Variants in BMP6 observed in about 807,000 individuals in gnomAD.
BMP6 encodes the protein bone morphogenetic protein 6, also known as VG-1-R.
Under a neutral mutation model 54.1 loss-of-function variants are expected in BMP6, and 17 were observed. That is an observed-to-expected ratio of 0.31 (90% CI 0.22 to 0.47). BMP6 has a LOEUF of 0.47. Ranked by LOEUF, BMP6 falls within the 20% of genes least tolerant of loss-of-function variation. The pLI is 1.00. For missense variants in BMP6, 720 were observed against 690.4 expected (o/e 1.04, Z -0.48); for synonymous variants, 328 against 291.2 (o/e 1.13, Z -1.28).
chr6:7,750,018 CAG>C (rs1427093815), intron 1 of BMP6, among the ~76,000 whole-genome samples: 2 of 152,166 alleles, frequency 1.3e-5, no homozygotes, highest in African/African-American at 4.8e-5. Flanking sequence ...CGGGTGGAAA[CAG>C]AGGCACAGAT....
rs1311981283 is a variant in BMP6, at chr6:7,811,747, A to G, written c.665-33393A>G. On this transcript the variant is annotated intron_variant, in intron 1 of 6. Transcript: ENST00000283147. ...CTCTAACATCTTCCTCCCTTTATTA[A>G]ATTCACATCAGTTCACATTTCCCTT... is the stretch of plus-strand genomic sequence containing the variant. 3.3e-5 allele frequency among the ~76,000 whole-genome samples: 5 copies of G among 152,112 alleles called. No individual in the cohort carries two copies. In the East Asian group the frequency reaches 9.6e-4, roughly 29 times the overall value.
intron 1 of BMP6, among the ~76,000 whole-genome samples, chr6:7,827,494 C>T (rs1758718141): frequency 6.6e-6 from 1 of 152,158 alleles, no homozygotes; most frequent in African/African-American, 2.4e-5. Flanking sequence ...CTTGTGGCTC[C>T]CCCTTCCCTT....
intron 1 of BMP6, among the ~76,000 whole-genome samples, chr6:7,752,158 A>G (rs1241371873): frequency 6.6e-6 from 1 of 152,218 alleles, no homozygotes; most frequent in African/African-American, 2.4e-5. Context: ...AAATATTTTC[A>G]GCTTTGCAGG....
chr6:7,772,072 CAAA>C (rs911048497), intron 1 of BMP6, among the ~76,000 whole-genome samples: 11 of 148,218 alleles, frequency 7.4e-5, no homozygotes, highest in African/African-American at 2.7e-4. Context: ...ACCAAAAAAA[CAAA>C]AAAAAACAAA....
intron 1 of BMP6, among the ~76,000 whole-genome samples, chr6:7,811,442 G>C (rs915384867): frequency 2.6e-5 from 4 of 152,192 alleles, no homozygotes; most frequent in Non-Finnish European, 4.4e-5. Context: ...GCGCTGGCAT[G>C]GTAGTTGCTA....
At position 7,856,636 on chromosome 6, in the gene BMP6, G is replaced by A. The variant is rs551521086; in HGVS notation, c.858-4815G>A. On this transcript the variant is annotated intron_variant, in intron 2 of 6. Coordinates refer to ENST00000283147, the MANE Select transcript of BMP6 (RefSeq NM_001718.6). ...TTTTGAGACGGAGTCTCGCTCTGTC[G>A]CCCAGGCTGGAGTGCAGTGGCGGGA... 9.2e-4 allele frequency among the ~76,000 whole-genome samples: 89 copies of A among 97,128 alleles called. No homozygotes were observed. The Middle Eastern group carries it at 0.023, about 25-fold the overall frequency. The allele number at this position is 97,128 out of a possible 152,430, so 63.7% of individuals were successfully genotyped here.
intron 1 of BMP6, among the ~76,000 whole-genome samples, chr6:7,767,979 G>T (rs1323538448): frequency 6.6e-6 from 1 of 152,134 alleles, no homozygotes; most frequent in Non-Finnish European, 1.5e-5. Flanking sequence ...TAATGACCCT[G>T]TGCCCTGGGC....
At chr6:7,834,208 G>A (rs1418208807) in intron 1 of BMP6, among the ~76,000 whole-genome samples, 3,882 of 131,726 alleles carry the variant, frequency 0.029, 154 homozygotes, top group African/African-American at 0.089. Context: ...TTTTTTTTAG[G>A]AAAAAAAAGT....
intron 1 of BMP6, among the ~76,000 whole-genome samples, chr6:7,827,801 A>G (rs1324481916): frequency 6.6e-6 from 1 of 152,150 alleles, no homozygotes; most frequent in Non-Finnish European, 1.5e-5. Flanking sequence ...AATGTTTCCC[A>G]CTTTATTTCT....
chr6:7,821,650 ACTTT>A (rs71542886), intron 1 of BMP6, among the ~76,000 whole-genome samples: 20,581 of 152,144 alleles, frequency 0.14, 1,737 homozygotes, highest in African/African-American at 0.24. Flanking sequence ...TGAGTAAGTT[ACTTT>A]CTTCTTTGAG....
intron 3 of BMP6, 104 bp from the exon 4 acceptor site, chr6:7,862,197 T>A: frequency 7.4e-7 from 1 of 1,343,990 alleles, no homozygotes; most frequent in Non-Finnish European, 1.0e-6. Flanking sequence ...CACTCATTCT[T>A]AAGGATTAGC....
chr6:7,730,707 A>G (rs1437985184), intron 1 of BMP6, among the ~76,000 whole-genome samples: 2 of 152,208 alleles, frequency 1.3e-5, no homozygotes, highest in Non-Finnish European at 2.9e-5. Context: ...GTTATTGCGT[A>G]CCAATGTTGG....
intron 1 of BMP6, among the ~76,000 whole-genome samples, chr6:7,813,675 CA>C (rs1758478029): frequency 1.0e-5 from 1 of 97,632 alleles, no homozygotes; most frequent in Non-Finnish European, 2.0e-5. Context: ...AAAAACCCAC[CA>C]AACCCAGTAT....
intron 1 of BMP6, among the ~76,000 whole-genome samples, chr6:7,745,068 C>T (rs544058964): frequency 6.6e-6 from 1 of 152,284 alleles, no homozygotes; most frequent in East Asian, 1.9e-4. Flanking sequence ...GAGGGTCAGT[C>T]CAATAGGATC....
intron 1 of BMP6, among the ~76,000 whole-genome samples, chr6:7,784,285 C>G (rs1285970163): frequency 9.2e-5 from 14 of 152,058 alleles, no homozygotes; most frequent in Admixed American, 9.2e-4. Flanking sequence ...GTACCTCTGC[C>G]CTTCTTATTA....
At chr6:7,761,777 G>A (rs940978085) in intron 1 of BMP6, among the ~76,000 whole-genome samples, 5 of 152,130 alleles carry the variant, frequency 3.3e-5, no homozygotes, top group Non-Finnish European at 7.4e-5. Flanking sequence ...AAGTCTTTAC[G>A]GCATTTTCTT....
In BMP6 at chr6:7,741,063, T is replaced by C. The variant is rs186446434; in HGVS notation, c.664+13444T>C. The stretch of plus-strand genomic sequence containing the variant: ...CTACTCATCTTTCCATATGCTGTTA[T>C]CCAGCCAGCACACTCTGCTCTGTGA... On this transcript the variant is annotated intron_variant, in intron 1 of 6. Coordinates refer to ENST00000283147, the MANE Select transcript of BMP6 (RefSeq NM_001718.6). 9.2e-5 allele frequency among the ~76,000 whole-genome samples: 14 copies of C among 152,262 alleles called. No individual in the cohort carries two copies. The East Asian group carries it at 1.7e-3, about 19-fold the overall frequency.
At chr6:7,782,790 G>C (rs1406097476) in intron 1 of BMP6, among the ~76,000 whole-genome samples, 4 of 152,208 alleles carry the variant, frequency 2.6e-5, no homozygotes, top group Non-Finnish European at 4.4e-5. Context: ...CCAGGACTGA[G>C]TTTGCAGAAG....
chr6:7,839,337 AG>A (rs1280954503), intron 1 of BMP6, among the ~76,000 whole-genome samples: 1 of 152,188 alleles, frequency 6.6e-6, no homozygotes, highest in African/African-American at 2.4e-5. Flanking sequence ...CTGCTTTAAC[AG>A]TTTTTAAGTG....
Sources: gnomAD v4.1 joint callset for allele counts (sites outside exome capture counted in the v4.1 genomes callset) on GRCh38, gnomAD v4.1.1 for gene constraint, MANE v1.5 for transcripts, NCBI Gene and HGNC (gene_info 2026-07-23, HGNC 2026-07-21) for gene names.